SLC9A9: variants seen among roughly 807,000 people sequenced by gnomAD.
SLC9A9 encodes the protein solute carrier family 9 member A9.
Under a neutral mutation model 77.8 loss-of-function variants are expected in SLC9A9, and 62 were observed. The observed-to-expected ratio is 0.80, with a 90% CI of 0.65 to 0.98. The LOEUF (loss-of-function observed/expected upper bound fraction) is 0.98. Ranked by LOEUF, SLC9A9 falls within the 50% of genes least tolerant of loss-of-function variation. The pLI is 0.00. For synonymous variants in SLC9A9, 320 were observed against 283.5 expected, an observed-to-expected ratio of 1.13 and a Z score of -1.29; for missense variants, 775 against 774.9, an observed-to-expected ratio of 1.00 and a Z score of 0.00.
chr3:143,457,074 T>C (rs749090385), intron 12 of SLC9A9, among the ~76,000 whole-genome samples: 1 of 152,126 alleles, frequency 6.6e-6, no homozygotes, highest in Non-Finnish European at 1.5e-5. Flanking sequence ...AAGGCTGGAG[T>C]GCAGTGGTGT....
intron 1 of SLC9A9, among the ~76,000 whole-genome samples, chr3:143,844,971 G>A (rs1273629040): frequency 6.6e-6 from 1 of 151,988 alleles, no homozygotes; most frequent in Non-Finnish European, 1.5e-5. Flanking sequence ...AAGGGGGATA[G>A]TACAATGTGG....
chr3:143,818,079 G>A (rs2009068300), intron 2 of SLC9A9, among the ~76,000 whole-genome samples: 1 of 152,126 alleles, frequency 6.6e-6, no homozygotes, highest in South Asian at 2.1e-4. Context: ...ATTTATAGTG[G>A]TTGCATAATA....
At position 143,363,582 on chromosome 3, in the gene SLC9A9, A is replaced by C. The variant is rs1686020205; in HGVS notation, c.1525-19T>G. ...TTGCTTCCTGGGGAGAAACAATAGA[A>C]AAAGGCATTGGGTAAATAGTCAAAA... On this transcript the variant is annotated intron_variant, in intron 13 of 15. Coordinates refer to ENST00000316549, the MANE Select transcript of SLC9A9 (RefSeq NM_173653.4). The C allele has an allele frequency of 6.2e-7, 1 of 1,604,268 alleles. No individual in the cohort carries two copies. The highest frequency in any genetic ancestry group is 8.5e-7 in the Non-Finnish European group (1 of 1,171,702).
At chr3:143,411,471 G>A (rs938018226) in intron 12 of SLC9A9, among the ~76,000 whole-genome samples, 1 of 151,970 alleles carries the variant, frequency 6.6e-6, no homozygotes, top group South Asian at 2.1e-4. Context: ...ATTTTTCCAC[G>A]ATTTCTACTT....
chr3:143,663,690 T>A (rs544155073), intron 5 of SLC9A9, among the ~76,000 whole-genome samples: 9 of 152,250 alleles, frequency 5.9e-5, no homozygotes, highest in African/African-American at 2.2e-4. Flanking sequence ...CAGTAGCCGA[T>A]TCCATCAAGT....
chr3:143,523,109 G>C (rs940416694), intron 9 of SLC9A9, among the ~76,000 whole-genome samples: 6 of 152,152 alleles, frequency 3.9e-5, no homozygotes, highest in African/African-American at 1.4e-4. Flanking sequence ...TTAATGAGCT[G>C]TCAGGGAGAG....
At chr3:143,355,090 C>T (rs1400719828) in intron 14 of SLC9A9, among the ~76,000 whole-genome samples, 1 of 152,088 alleles carries the variant, frequency 6.6e-6, no homozygotes, top group African/African-American at 2.4e-5. Flanking sequence ...ACAGAGGACA[C>T]AAAAGAACAG....
intron 6 of SLC9A9, among the ~76,000 whole-genome samples, chr3:143,580,399 T>G (rs1307791534): frequency 6.6e-6 from 1 of 152,192 alleles, no homozygotes; most frequent in African/African-American, 2.4e-5. Context: ...CAAGCACGGC[T>G]TTATCCTTCT....
At chr3:143,833,164 T>A (rs753469107) in intron 1 of SLC9A9, among the ~76,000 whole-genome samples, 8 of 152,172 alleles carry the variant, frequency 5.3e-5, no homozygotes, top group Non-Finnish European at 8.8e-5. Context: ...AGGACTGATG[T>A]ATGTGTTTTG....
chr3:143,363,396 A>C, intron 14 of SLC9A9, 88 bp downstream of exon 14: 1 of 1,155,662 alleles, frequency 8.7e-7, no homozygotes, highest in South Asian at 1.2e-5. Context: ...TTTCTTGAAG[A>C]GCAGGAGTGC....
At chr3:143,497,553 T>C (rs1488519028) in intron 9 of SLC9A9, among the ~76,000 whole-genome samples, 6 of 152,160 alleles carry the variant, frequency 3.9e-5, no homozygotes, top group Non-Finnish European at 8.8e-5. Flanking sequence ...ATCAGAAAGA[T>C]GCTGGCCAGG....
intron 11 of SLC9A9, among the ~76,000 whole-genome samples, chr3:143,493,150 G>C (rs767447966): frequency 2.0e-5 from 3 of 152,106 alleles, no homozygotes; most frequent in Non-Finnish European, 4.4e-5. Flanking sequence ...ATTAATATTC[G>C]TTTTCTCAAC....
At chr3:143,425,123 C>G (rs971835359) in intron 12 of SLC9A9, among the ~76,000 whole-genome samples, 1 of 152,316 alleles carries the variant, frequency 6.6e-6, no homozygotes, top group East Asian at 1.9e-4. Flanking sequence ...GCTAAAAACA[C>G]TTGCCATGTG....
intron 9 of SLC9A9, chr3:143,518,177 T>A: frequency 6.3e-7 from 1 of 1,599,564 alleles, no homozygotes; most frequent in Non-Finnish European, 8.5e-7. Flanking sequence ...GCTCGGATCC[T>A]CCTTACACAT....
At chr3:143,635,729 C>T (rs986104129) in intron 6 of SLC9A9, among the ~76,000 whole-genome samples, 1 of 152,128 alleles carries the variant, frequency 6.6e-6, no homozygotes, top group Non-Finnish European at 1.5e-5. Flanking sequence ...CTTAACTGTG[C>T]TCTAAACAGC....
chr3:143,668,319 TG>T (rs2039104225), intron 5 of SLC9A9, among the ~76,000 whole-genome samples: 1 of 114,274 alleles, frequency 8.8e-6, no homozygotes, highest in Admixed American at 1.2e-4. Flanking sequence ...CATCACACCC[TG>T]GGGCCTGTCG....
At chr3:143,624,911 CAA>C (rs2038290659) in intron 6 of SLC9A9, among the ~76,000 whole-genome samples, 1 of 152,184 alleles carries the variant, frequency 6.6e-6, no homozygotes, top group Non-Finnish European at 1.5e-5. Context: ...GCAACTTCAG[CAA>C]AGTCTCAGGA....
chr3:143,350,897 A>T (rs910852061), intron 14 of SLC9A9, among the ~76,000 whole-genome samples: 5 of 152,130 alleles, frequency 3.3e-5, no homozygotes, highest in African/African-American at 1.2e-4. Context: ...GTCAAATTCC[A>T]TCTTTTTCTC....
chr3:143,546,209 C>T (rs2036786276), intron 9 of SLC9A9, among the ~76,000 whole-genome samples: 1 of 152,204 alleles, frequency 6.6e-6, no homozygotes. Flanking sequence ...TATAATTTGG[C>T]TCCCACTGTC....
Sources: gnomAD v4.1 joint callset for allele counts (sites outside exome capture counted in the v4.1 genomes callset) on GRCh38, gnomAD v4.1.1 for gene constraint, MANE v1.5 for transcripts, NCBI Gene and HGNC (gene_info 2026-07-23, HGNC 2026-07-21) for gene names.